LYST: variants seen among roughly 807,000 people sequenced by gnomAD.
LYST encodes the protein lysosomal trafficking regulator.
In LYST, 192 loss-of-function variants were observed where a neutral mutation model predicts 413.6. The observed-to-expected ratio is 0.46, with a 90% confidence interval of 0.41 to 0.52. The LOEUF (loss-of-function observed/expected upper bound fraction) is 0.52, where lower values mean the gene tolerates loss of function less well. LYST is among the 20% of genes least tolerant of loss of function. LYST has a pLI of 0.00. For missense variants in LYST, 3,815 were observed against 4,499.9 expected, an observed-to-expected ratio of 0.85 and a Z score of 4.35; for synonymous variants, 1,525 against 1,567.3, an observed-to-expected ratio of 0.97 and a Z score of 0.64.
intron 16 of LYST, among the ~76,000 whole-genome samples, 188 bp downstream of exon 16, chr1:235,780,677 C>A (rs1374402367): frequency 6.6e-6 from 1 of 151,436 alleles, no homozygotes; most frequent in Non-Finnish European, 1.5e-5. Context: ...AAATATAAAG[C>A]CTGAAACAAA....
chr1:235,665,577 A>G (rs552217019), intron 50 of LYST, among the ~76,000 whole-genome samples: 2 of 137,548 alleles, frequency 1.5e-5, no homozygotes, highest in African/African-American at 5.5e-5. Context: ...GTGCCACTGC[A>G]CTCCAGCCTG....
chr1:235,744,882 G>T (rs1412668585), intron 29 of LYST, among the ~76,000 whole-genome samples: 2 of 125,240 alleles, frequency 1.6e-5, no homozygotes, highest in Admixed American at 8.7e-5. Flanking sequence ...GACAGAGTGA[G>T]AACCCATCTC....
At chr1:235,690,200 A>G (rs1480775435) in intron 47 of LYST, among the ~76,000 whole-genome samples, 1 of 152,258 alleles carries the variant, frequency 6.6e-6, no homozygotes, top group African/African-American at 2.4e-5. Flanking sequence ...TACTGATGAC[A>G]GCAATGAGTT....
intron 38 of LYST, among the ~76,000 whole-genome samples, chr1:235,726,068 A>G (rs1663838845): frequency 6.6e-6 from 1 of 152,254 alleles, no homozygotes; most frequent in African/African-American, 2.4e-5. Context: ...GTTTAAAACT[A>G]GCTAGAATTT....
chr1:235,747,492 T>C (rs1666043277), intron 28 of LYST, among the ~76,000 whole-genome samples: 1 of 152,256 alleles, frequency 6.6e-6, no homozygotes, highest in Non-Finnish European at 1.5e-5. Context: ...GGGTAATTAG[T>C]ATTCTTAATC....
intron 17 of LYST, 84 bp downstream of exon 17, chr1:235,776,979 G>C (rs148595284): frequency 8.1e-7 from 1 of 1,231,420 alleles, no homozygotes; most frequent in African/African-American, 1.5e-5. Flanking sequence ...TAGCTTTTTC[G>C]TGTGGTCCAA....
intron 27 of LYST, 147 bp downstream of exon 27, chr1:235,751,858 C>T: frequency 3.0e-6 from 2 of 657,816 alleles, no homozygotes; most frequent in Admixed American, 6.1e-5. Flanking sequence ...CCTTTTTAGG[C>T]TTCTTTTTAA....
intron 1 of LYST, among the ~76,000 whole-genome samples, chr1:235,875,942 G>A (rs1274632299): frequency 6.6e-6 from 1 of 152,008 alleles, no homozygotes; most frequent in Non-Finnish European, 1.5e-5. Flanking sequence ...TTTCTTGGCC[G>A]GGCATAGTGA....
chr1:235,697,247 A>T lies in LYST; in HGVS notation c.10400T>A (p.Leu3467Ter). The T allele has an allele frequency of 6.2e-7, 1 of 1,614,004 alleles. No individual in the cohort carries two copies. Residue 3467 changes from leucine to a stop codon, truncating the protein, a stop_gained, in exon 46 of 53, where the codon TTG (leucine) becomes TAG (stop). Coordinates refer to ENST00000389793, the MANE Select transcript of LYST (RefSeq NM_000081.4). LOFTEE classifies it high-confidence loss of function. ...GGAACCCACGTATTCCCCCCATTTC[A>T]AGCCTTTTATCCATGACAAAGGACT... ...YPSPLSWIKG[L>*]KWGEYVGSPS...
intron 31 of LYST, among the ~76,000 whole-genome samples, chr1:235,740,466 T>C (rs983401809): frequency 2.0e-5 from 3 of 152,142 alleles, no homozygotes; most frequent in Non-Finnish European, 4.4e-5. Flanking sequence ...CTGAATTCTA[T>C]CGTCATATCT....
intron 40 of LYST, among the ~76,000 whole-genome samples, chr1:235,718,149 C>T (rs1472856241): frequency 6.6e-6 from 1 of 151,924 alleles, no homozygotes; most frequent in Non-Finnish European, 1.5e-5. Context: ...CAGGCGTGAG[C>T]CACCACGCCT....
In LYST at chr1:235,663,090, A is replaced by T. The variant is rs768206502; in HGVS notation, c.11268-12T>A. On this transcript the variant is annotated splice_polypyrimidine_tract_variant and intron_variant, in intron 52 of 52. Transcript: ENST00000389793. ...AAGAAAATGTAAGGCTGTAAAAAAA[A>T]AAAAATTCCCATTTGTACATTATAT... is the stretch of plus-strand genomic sequence containing the variant. 3 of 1,573,946 alleles carry T rather than the reference A, an allele frequency of 1.9e-6. No homozygotes were observed. In the African/African-American group the frequency reaches 4.0e-5, roughly 21 times the overall value.
At chr1:235,862,806 A>AACACACACACACAC (rs57043954) in intron 1 of LYST, among the ~76,000 whole-genome samples, 1 of 121,424 alleles carries the variant, frequency 8.2e-6, no homozygotes, top group Non-Finnish European at 1.8e-5. Flanking sequence ...AAAACAAACA[A>AACACACACACACAC]ACACACACAC....
chr1:235,787,976 AC>A (rs796260521), intron 13 of LYST, among the ~76,000 whole-genome samples: 57 of 152,294 alleles, frequency 3.7e-4, no homozygotes, highest in African/African-American at 1.3e-3. Flanking sequence ...AACAAGGAGA[AC>A]CCAAGCTTAT....
intron 21 of LYST, among the ~76,000 whole-genome samples, chr1:235,764,438 T>C (rs1667904955): frequency 6.6e-6 from 1 of 152,046 alleles, no homozygotes; most frequent in South Asian, 2.1e-4. Flanking sequence ...CTAATTTCAT[T>C]TGGACATTTA....
At chr1:235,683,028 T>C (rs753504614) in intron 48 of LYST, among the ~76,000 whole-genome samples, 19 of 152,202 alleles carry the variant, frequency 1.2e-4, no homozygotes, top group Non-Finnish European at 2.4e-4. Context: ...AAAAAATATG[T>C]CAGAAGAAAC....
chr1:235,664,766 A>G lies in LYST; in HGVS notation c.11039-145T>C. ...CAACCCATGACTGAAGACTGTATAA[A>G]TGAAATTACTACACAAGTTGCACAG... On this transcript the variant is annotated intron_variant, in intron 50 of 52. Transcript: ENST00000389793. The surrounding 1 kb of genome is among the most constrained non-coding windows in gnomAD (Gnocchi z 4.5). 3 of 717,334 alleles carry G rather than the reference A, an allele frequency of 4.2e-6. No homozygotes were observed. Among genetic ancestry groups the G allele is most frequent in the Non-Finnish European group, 7.4e-6 (3 of 404,568 alleles). The allele number at this position is 717,334 out of a possible 1,614,324, so 44.4% of individuals were successfully genotyped here. A position where few individuals can be genotyped will look rare whatever the true frequency, so the allele number is the denominator to read the frequency against.
At chr1:235,843,878 C>A (rs1489601429) in intron 1 of LYST, among the ~76,000 whole-genome samples, 1 of 152,138 alleles carries the variant, frequency 6.6e-6, no homozygotes, top group African/African-American at 2.4e-5. Context: ...TCACCAAATG[C>A]CAAAAAATCC....
In LYST at chr1:235,751,228, T is replaced by G. The variant is rs1301511153; in HGVS notation, c.7762A>C (p.Lys2588Gln). The change falls in exon 28 of 53, where the codon AAG (lysine) becomes CAG (glutamine). Residue 2588 changes from lysine to glutamine, a missense_variant. Lys to Gln is a moderately conservative substitution (Grantham distance 53, BLOSUM62 1). Coordinates refer to ENST00000389793, the MANE Select transcript of LYST (RefSeq NM_000081.4). The stretch of plus-strand genomic sequence containing the variant: ...TACTCGCCAGCAATGCTTTTCCGCT[T>G]TTGAACTACTGCATGATGGGGAGCA... The part of the protein sequence containing the change: ...PSAPHHAVVQ[K>Q]RKSIAGPRKF... 6.2e-7 allele frequency: 1 copy of G among 1,613,868 alleles called. No homozygotes were observed. Among genetic ancestry groups the G allele is most frequent in the African/African-American group, 1.3e-5 (1 of 75,034 alleles).
Sources: gnomAD v4.1 joint callset for allele counts (sites outside exome capture counted in the v4.1 genomes callset) on GRCh38, gnomAD v4.1.1 for gene constraint, Gnocchi (gnomAD v3.1) non-coding constraint, MANE v1.5 for transcripts, NCBI Gene and HGNC (gene_info 2026-07-23, HGNC 2026-07-21) for gene names.